Variants in ITIH5 observed in about 807,000 individuals in gnomAD.
ITIH5 encodes the protein inter-alpha-trypsin inhibitor heavy chain 5.
Under a neutral mutation model 77.5 loss-of-function variants are expected in ITIH5, and 65 were observed. That is an observed-to-expected ratio of 0.84 (90% CI 0.69 to 1.03). The LOEUF (loss-of-function observed/expected upper bound fraction) is 1.03. ITIH5 is among the 50% of genes least tolerant of loss of function. The pLI, the probability that ITIH5 is intolerant of heterozygous loss-of-function variation, is 0.00. For missense variants in ITIH5, 1,208 were observed against 1,213.1 expected (o/e 1.00, Z 0.06); for synonymous variants, 525 against 494.3 (o/e 1.06, Z -0.82).
In ITIH5 at chr10:7,640,784, T is replaced by A. The variant is rs1279963192; in HGVS notation, c.371A>T (p.Glu124Val). The A allele has an allele frequency of 9.9e-6, 16 of 1,612,844 alleles. No homozygotes were observed. Among genetic ancestry groups the A allele is most frequent in the African/African-American group, 1.3e-5 (1 of 74,912 alleles). ...TTCTTCTGTGGTTTTATTCCTTTTC[T>A]CTTTTACCCTATCACCACTCTTCTT... ...REKKSGDRVK[E>V]KRNKTTEENG... The change falls in exon 4 of 14, where the codon GAG becomes GTG. Residue 124 changes from glutamate to valine, a missense_variant. Glu to Val is a moderately radical substitution (Grantham distance 121). Transcript: ENST00000397146.
intron 7 of ITIH5, among the ~76,000 whole-genome samples, chr10:7,603,704 C>A (rs1833062332): frequency 6.6e-6 from 1 of 152,184 alleles, no homozygotes; most frequent in South Asian, 2.1e-4. Flanking sequence ...CTGCCTCAGC[C>A]TCCCGAGCAG....
At chr10:7,563,552 G>C (rs1832080690) in intron 13 of ITIH5, among the ~76,000 whole-genome samples, 168 bp from the exon 14 acceptor site, 2 of 152,234 alleles carry the variant, frequency 1.3e-5, no homozygotes, top group African/African-American at 4.8e-5. Context: ...AGGGTGGAGA[G>C]AGCTGAGGAT....
intron 10 of ITIH5, among the ~76,000 whole-genome samples, chr10:7,573,700 A>G (rs1832351734): frequency 6.6e-6 from 1 of 151,722 alleles, no homozygotes. Flanking sequence ...AGGAAAAAAA[A>G]GAATAGAATA....
Position 7,580,039 on chromosome 10 carries a change from C to CT in ITIH5, c.1133dup (p.Arg379GlufsTer99), listed in dbSNP as rs756806963. On this transcript the variant is annotated frameshift_variant, in exon 9 of 14. Transcript: ENST00000397146. LOFTEE classifies it high-confidence loss of function. ...ACTTGTTGAGGAGCCTGATGGCCCT[C>CT]TGCAGGGCCCCGTTGATGTCTGTGC... 3 of 1,609,006 alleles carry CT rather than the reference C, an allele frequency of 1.9e-6. No homozygotes were observed. In the Admixed American group the frequency reaches 5.1e-5, roughly 27 times the overall value.
intron 7 of ITIH5, among the ~76,000 whole-genome samples, chr10:7,602,027 C>T (rs775036948): frequency 4.6e-5 from 7 of 151,940 alleles, no homozygotes; most frequent in African/African-American, 9.7e-5. Flanking sequence ...TAATTTTTTA[C>T]GTTTTTAGTA....
In ITIH5 at chr10:7,625,423, T is replaced by C. The variant is rs111927925; in HGVS notation, c.653-8141A>G. On this transcript the variant is annotated intron_variant, in intron 5 of 13. Coordinates refer to ENST00000397146, the MANE Select transcript of ITIH5 (RefSeq NM_030569.7). ...TTGGGAGATGGAAAAGTTCAGGAGA[T>C]TGGTAATACACCAATGTGAATAGAC... Among the ~76,000 whole-genome samples the C allele has an allele frequency of 2.8e-3, 429 of 151,906 alleles. 1 individual carries two copies. Among genetic ancestry groups the C allele is most frequent in the African/African-American group, 9.7e-3 (403 of 41,408 alleles).
In ITIH5 at chr10:7,655,669, G is replaced by A. The variant is rs780009926; in HGVS notation, c.97C>T (p.Leu33Phe). The A allele has an allele frequency of 2.5e-6, 4 of 1,611,228 alleles. No homozygotes were observed. Among genetic ancestry groups the A allele is most frequent in the African/African-American group, 2.7e-5 (2 of 74,862 alleles). ...AGTCTGACTTGCCTCGGGACCCTGA[G>A]TCCATCCTAGAAAAGAGAAGAGACT... The part of the protein sequence containing the change: ...SWGHSSEQDG[L>F]RVPRQVRLLQ... Residue 33 changes from leucine (L) to phenylalanine (F), a missense_variant, in exon 2 of 14, where the codon CTC becomes TTC. Transcript: ENST00000397146.
rs761392622 is a variant in ITIH5, at chr10:7,637,397, C to G, written c.483G>C (p.Glu161Asp). The change falls in exon 5 of 14, where the codon GAG becomes GAC. Residue 161 changes from glutamate to aspartate, a missense_variant. Glu to Asp is a conservative substitution (Grantham distance 45). Coordinates refer to ENST00000397146, the MANE Select transcript of ITIH5 (RefSeq NM_030569.7). ...ACTTGCCCAGGCGCCTCTGCAGAAG[C>G]TCCTCATAACTCAGGAAAAAGGCGG... The part of the protein sequence containing the change: ...DKAAFFLSYE[E>D]LLQRRLGKYE... 1 of 1,614,090 alleles carries G rather than the reference C, an allele frequency of 6.2e-7. No individual in the cohort carries two copies. Among genetic ancestry groups the G allele is most frequent in the Non-Finnish European group, 8.5e-7 (1 of 1,179,942 alleles).
chr10:7,579,814 C>T lies in ITIH5; in HGVS notation c.1359G>A (p.Glu453=). The change falls in exon 9 of 14, where the codon GAG becomes GAA. Residue 453 remains glutamate, a synonymous_variant. Coordinates refer to ENST00000397146, the MANE Select transcript of ITIH5 (RefSeq NM_030569.7). ...DFRLLEKLSL[E]NCGLTRRVHE... ...GCACGCGCCGTGTGAGGCCACAGTT[C>T]TCCAGCGACAGTTTCTCCAGCAGCC... 1 of 1,613,864 alleles carries T rather than the reference C, an allele frequency of 6.2e-7. No individual in the cohort carries two copies. The highest frequency in any genetic ancestry group is 8.5e-7 in the Non-Finnish European group (1 of 1,179,754).
At chr10:7,665,092 A>AT (rs796794341) in intron 1 of ITIH5, among the ~76,000 whole-genome samples, 3 of 152,192 alleles carry the variant, frequency 2.0e-5, no homozygotes, top group East Asian at 3.9e-4. Context: ...TATACCTTGG[A>AT]TTTTTTTTCC....
intron 2 of ITIH5, among the ~76,000 whole-genome samples, chr10:7,642,896 G>A (rs118181482): frequency 1.9e-3 from 287 of 152,288 alleles, no homozygotes; most frequent in Non-Finnish European, 2.9e-3. Flanking sequence ...CCAGGAACTG[G>A]TCAAGCAATT....
At chr10:7,624,798 A>ATATATATATATATATATACAC (rs1554755317) in intron 5 of ITIH5, among the ~76,000 whole-genome samples, 1 of 61,798 alleles carries the variant, frequency 1.6e-5, no homozygotes, top group African/African-American at 7.0e-5. Flanking sequence ...AAAAAAAAAA[A>ATATATATATATATATATACAC]ATATATATAT....
intron 7 of ITIH5, among the ~76,000 whole-genome samples, chr10:7,592,059 CAGGG>C (rs1947107570): frequency 6.6e-6 from 1 of 151,962 alleles, no homozygotes. Context: ...TTAGTAGAGA[CAGGG>C]TCTCACTATG....
intron 2 of ITIH5, among the ~76,000 whole-genome samples, chr10:7,652,363 T>A (rs1467517426): frequency 2.0e-5 from 3 of 152,014 alleles, no homozygotes; most frequent in Non-Finnish European, 4.4e-5. Context: ...TAGGATGAAC[T>A]GAGCTCCAGA....
At chr10:7,566,901 A>G (rs1287924070) in intron 12 of ITIH5, among the ~76,000 whole-genome samples, 2 of 124,810 alleles carry the variant, frequency 1.6e-5, no homozygotes, top group African/African-American at 6.8e-5. Context: ...AAGAAGAAGA[A>G]GAAGAAGAAG....
intron 7 of ITIH5, among the ~76,000 whole-genome samples, chr10:7,594,714 G>T (rs1438074163): frequency 6.6e-6 from 1 of 152,152 alleles, no homozygotes; most frequent in Non-Finnish European, 1.5e-5. Context: ...CAAGGACAAG[G>T]GCTTATTTGG....
intron 5 of ITIH5, among the ~76,000 whole-genome samples, chr10:7,634,309 C>G (rs2131068836): frequency 6.6e-6 from 1 of 152,176 alleles, no homozygotes; most frequent in African/African-American, 2.4e-5. Flanking sequence ...ACAGCCCTGT[C>G]CAGACAAAAT....
At chr10:7,641,579 A>G (rs937106220) in intron 3 of ITIH5, among the ~76,000 whole-genome samples, 11 of 150,652 alleles carry the variant, frequency 7.3e-5, no homozygotes, top group African/African-American at 1.7e-4. Flanking sequence ...GGAAGAAAAA[A>G]ATTGAATAAA....
chr10:7,616,670 A>G (rs1027147935), intron 6 of ITIH5, among the ~76,000 whole-genome samples: 1 of 152,154 alleles, frequency 6.6e-6, no homozygotes, highest in African/African-American at 2.4e-5. Flanking sequence ...TCTACTAAAA[A>G]TACAAAAATT....
Sources: gnomAD v4.1 joint callset for allele counts (sites outside exome capture counted in the v4.1 genomes callset) on GRCh38, gnomAD v4.1.1 for gene constraint, MANE v1.5 for transcripts, NCBI Gene and HGNC (gene_info 2026-07-23, HGNC 2026-07-21) for gene names.